STOX1: variants seen among roughly 807,000 people sequenced by gnomAD.
STOX1 encodes the protein storkhead box 1.
Under a neutral mutation model 74.8 loss-of-function variants are expected in STOX1, and 57 were observed. That is an observed-to-expected ratio of 0.76 (90% CI 0.62 to 0.95). The LOEUF is 0.95. STOX1 is among the 40% of genes least tolerant of loss of function. The probability of loss-of-function intolerance (pLI) is 0.00; values close to 1 mark genes in which losing one functional copy is unlikely to be tolerated. For missense variants in STOX1, 1,010 were observed against 1,117.0 expected, an observed-to-expected ratio of 0.90 and a Z score of 1.37; for synonymous variants, 375 against 401.3, an observed-to-expected ratio of 0.93 and a Z score of 0.78.
chr10:68,870,880 A>G (rs1350863798), intron 1 of STOX1, among the ~76,000 whole-genome samples: 2 of 152,208 alleles, frequency 1.3e-5, no homozygotes, highest in Non-Finnish European at 2.9e-5. Flanking sequence ...CTACCCCCAG[A>G]GTCTCCTGAT....
In STOX1 at chr10:68,884,487, G is replaced by GC; in HGVS notation, c.694dup (p.Gln232ProfsTer35). ...GAGCATGGAGAGCTGTGCAGAGTCA[G>GC]CCCAAGAGAATGCTGCCCCCATATC... On this transcript the variant is annotated frameshift_variant, in exon 3 of 4. Coordinates refer to ENST00000298596, the MANE Select transcript of STOX1 (RefSeq NM_152709.5). LOFTEE classifies it high-confidence loss of function. The GC allele has an allele frequency of 6.2e-7, 1 of 1,613,828 alleles. No individual in the cohort carries two copies. The highest frequency in any genetic ancestry group is 8.5e-7 in the Non-Finnish European group (1 of 1,180,028).
At position 68,827,602 on chromosome 10, in the gene STOX1, G is replaced by A; in HGVS notation, c.-22G>A. On this transcript the variant is annotated 5_prime_UTR_variant, in exon 1 of 4. Transcript: ENST00000298596. ...CGCTCGCCGAGGCCCTGCGTTGCGG[G>A]CTCCCGGCCGCCGGCGAAAGCATGG... The A allele has an allele frequency of 8.8e-7, 1 of 1,137,714 alleles. No homozygotes were observed. The allele number at this position is 1,137,714 out of a possible 1,614,324, so 70.5% of individuals were successfully genotyped here. A position where few individuals can be genotyped will look rare whatever the true frequency, so the allele number is the denominator to read the frequency against.
chr10:68,880,788 G>A (rs1840798940), intron 1 of STOX1, among the ~76,000 whole-genome samples: 1 of 151,942 alleles, frequency 6.6e-6, no homozygotes, highest in African/African-American at 2.4e-5. Context: ...CACCTCCTGG[G>A]TTTTAAGCAA....
At chr10:68,828,763 G>T (rs1046740228) in intron 1 of STOX1, among the ~76,000 whole-genome samples, 1 of 152,174 alleles carries the variant, frequency 6.6e-6, no homozygotes, top group African/African-American at 2.4e-5. Flanking sequence ...CAGTGTGGTG[G>T]TCTTGGGTCG....
chr10:68,849,542 G>A (rs1159763128), intron 1 of STOX1, among the ~76,000 whole-genome samples: 1 of 152,136 alleles, frequency 6.6e-6, no homozygotes, highest in Admixed American at 6.6e-5. Flanking sequence ...CAGTCTCAGG[G>A]AGCTGTGGAA....
intron 1 of STOX1, among the ~76,000 whole-genome samples, chr10:68,879,366 T>C (rs1202301573): frequency 6.6e-6 from 1 of 152,098 alleles, no homozygotes; most frequent in African/African-American, 2.4e-5. Context: ...TTTTTTTCCT[T>C]CTCTGCCTCA....
chr10:68,880,972 T>C (rs558874443), intron 1 of STOX1, among the ~76,000 whole-genome samples: 64 of 152,262 alleles, frequency 4.2e-4, no homozygotes, highest in African/African-American at 1.5e-3. Flanking sequence ...GGGATTACAG[T>C]CCTGAGCCAC....
At chr10:68,845,179 T>G (rs537329811) in intron 1 of STOX1, among the ~76,000 whole-genome samples, 1 of 152,196 alleles carries the variant, frequency 6.6e-6, no homozygotes, top group African/African-American at 2.4e-5. Flanking sequence ...CACAGCTCAC[T>G]GCAGCCTCAA....
intron 1 of STOX1, among the ~76,000 whole-genome samples, chr10:68,850,885 T>G (rs1262729319): frequency 6.6e-6 from 1 of 151,928 alleles, no homozygotes; most frequent in Non-Finnish European, 1.5e-5. Flanking sequence ...GGTGGGAGGA[T>G]TGCTTGAGCC....
intron 1 of STOX1, among the ~76,000 whole-genome samples, chr10:68,833,190 A>T (rs1198340992): frequency 1.4e-5 from 2 of 145,174 alleles, no homozygotes; most frequent in East Asian, 2.1e-4. Flanking sequence ...GGTTCAAGGG[A>T]TTCTCCTGCC....
intron 1 of STOX1, among the ~76,000 whole-genome samples, chr10:68,879,548 C>A (rs1840758677): frequency 6.6e-6 from 1 of 152,158 alleles, no homozygotes; most frequent in Non-Finnish European, 1.5e-5. Context: ...AGAATCATGT[C>A]CACCATCTCC....
chr10:68,885,080 T>C lies in STOX1; in HGVS notation c.1284T>C (p.Ser428=). The C allele has an allele frequency of 5.6e-6, 9 of 1,613,818 alleles. No homozygotes were observed. Among genetic ancestry groups the C allele is most frequent in the Non-Finnish European group, 7.6e-6 (9 of 1,179,932 alleles). The change falls in exon 3 of 4, where the codon TCT becomes TCC. Residue 428 remains serine, a synonymous_variant. Transcript: ENST00000298596. ...LSAKPQGQGH[S]RRDRHKARNQ... ...CAAAACCTCAAGGGCAGGGCCATTC[T>C]CGAAGGGATAGACACAAAGCCAGGA...
At chr10:68,846,119 T>TTATTATTA (rs1839843011) in intron 1 of STOX1, among the ~76,000 whole-genome samples, 2 of 135,848 alleles carry the variant, frequency 1.5e-5, no homozygotes, top group Non-Finnish European at 3.2e-5. Context: ...GCTTGAGGTT[T>TTATTATTA]TTATTATTAT....
chr10:68,858,257 C>A (rs945345375), intron 1 of STOX1, among the ~76,000 whole-genome samples: 1 of 152,050 alleles, frequency 6.6e-6, no homozygotes, highest in Non-Finnish European at 1.5e-5. Flanking sequence ...AGTCGGGTGA[C>A]CCTCCCACGT....
Position 68,885,850 on chromosome 10 carries a change from C to T in STOX1, c.2054C>T (p.Ala685Val). The change falls in exon 3 of 4, where the codon GCA becomes GTA. Residue 685 changes from alanine (A) to valine (V), a missense_variant. Ala to Val is a moderately conservative substitution (Grantham distance 64). Coordinates refer to ENST00000298596, the MANE Select transcript of STOX1 (RefSeq NM_152709.5). The stretch of plus-strand genomic sequence containing the variant: ...GGCGTGAACCCTTTAAGACAAGCTG[C>T]AAGACAAGACAAAGACTCAGAAGAA... Reference protein sequence around the residue: ...PVGVNPLRQAARQDKDSEELL... With the variant: ...PVGVNPLRQAVRQDKDSEELL... The T allele has an allele frequency of 3.7e-6, 6 of 1,614,010 alleles. No individual in the cohort carries two copies. The highest frequency in any genetic ancestry group is 5.1e-6 in the Non-Finnish European group (6 of 1,180,032).
chr10:68,859,761 C>T (rs545041849), intron 1 of STOX1, among the ~76,000 whole-genome samples: 5 of 152,058 alleles, frequency 3.3e-5, no homozygotes, highest in Non-Finnish European at 5.9e-5. Context: ...CAACAAGAAG[C>T]TTGGAAGTAG....
intron 1 of STOX1, chr10:68,828,389 C>A: frequency 1.2e-6 from 1 of 804,196 alleles, no homozygotes; most frequent in Non-Finnish European, 1.6e-6. Flanking sequence ...GCTCTGAGGG[C>A]CCGGGGGCTG....
intron 1 of STOX1, among the ~76,000 whole-genome samples, chr10:68,848,533 C>G (rs1839907160): frequency 6.6e-6 from 1 of 152,146 alleles, no homozygotes; most frequent in Non-Finnish European, 1.5e-5. Flanking sequence ...CCTCTGCTTC[C>G]CGATCTGTGA....
rs1231244524 is a variant in STOX1, at chr10:68,827,604, TC to T, written c.-17del. On this transcript the variant is annotated 5_prime_UTR_variant, in exon 1 of 4. Transcript: ENST00000298596. The stretch of plus-strand genomic sequence containing the variant: ...CTCGCCGAGGCCCTGCGTTGCGGGC[TC>T]CCGGCCGCCGGCGAAAGCATGGCCC... 1 of 1,139,202 alleles carries T rather than the reference TC, an allele frequency of 8.8e-7. No individual in the cohort carries two copies. Among genetic ancestry groups the T allele is most frequent in the Non-Finnish European group, 1.1e-6 (1 of 928,588 alleles). The allele number at this position is 1,139,202 out of a possible 1,614,324, so 70.6% of individuals were successfully genotyped here.
Sources: allele counts gnomAD v4.1 joint callset (sites outside exome capture counted in the v4.1 genomes callset), GRCh38; gene constraint gnomAD v4.1.1; transcripts MANE v1.5; gene names NCBI Gene and HGNC (gene_info 2026-07-23, HGNC 2026-07-21).